DIP2C: variants seen among roughly 807,000 people sequenced by gnomAD.
DIP2C encodes DIP2 acetate--CoA ligase C (putative).
In DIP2C, 33 loss-of-function variants were observed where a neutral mutation model predicts 192.4. The observed-to-expected ratio is 0.17, with a 90% CI of 0.13 to 0.23. DIP2C has a LOEUF of 0.23. Among genes scored for constraint, DIP2C ranks in the 10% least tolerant of loss-of-function variants. DIP2C has a pLI of 1.00. For synonymous variants in DIP2C, 979 were observed against 864.1 expected, an observed-to-expected ratio of 1.13 and a Z score of -2.33; for missense variants, 1,537 against 2,110.1, an observed-to-expected ratio of 0.73 and a Z score of 5.32.
rs1010114025 is a variant in DIP2C at position 301,945 on chromosome 10, C to T, written c.3986+8086G>A. 9.9e-5 allele frequency among the ~76,000 whole-genome samples: 15 copies of T among 152,040 alleles called. No homozygotes were observed. The East Asian group carries it at 2.1e-3, about 22-fold the overall frequency. On this transcript the variant is annotated intron_variant, in intron 32 of 36. Transcript: ENST00000280886. The stretch of plus-strand genomic sequence containing the variant: ...AAAGTGAATTCTTTTATTTTTCATT[C>T]GGTTTTCCCACTGGTTTTCAAGTAG...
intron 29 of DIP2C, among the ~76,000 whole-genome samples, chr10:335,593 C>T (rs1175024378): frequency 6.6e-6 from 1 of 152,226 alleles, no homozygotes; most frequent in Non-Finnish European, 1.5e-5. Context: ...GGTGCATTGT[C>T]CAATCAGTCC....
intron 1 of DIP2C, among the ~76,000 whole-genome samples, chr10:671,313 G>A (rs1317737984): frequency 4.6e-5 from 7 of 151,810 alleles, no homozygotes; most frequent in Admixed American, 1.3e-4. Flanking sequence ...ATCCACAGAC[G>A]GAGGAAACGC....
intron 1 of DIP2C, among the ~76,000 whole-genome samples, chr10:586,620 T>C (rs1236891911): frequency 2.0e-5 from 3 of 152,234 alleles, no homozygotes; most frequent in Non-Finnish European, 2.9e-5. Context: ...CATCTCTTCC[T>C]GTTCACATAG....
chr10:580,631 A>G (rs900887660), intron 1 of DIP2C, among the ~76,000 whole-genome samples: 22 of 152,356 alleles, frequency 1.4e-4, no homozygotes, highest in African/African-American at 5.3e-4. Context: ...CATAGTACGC[A>G]TACACCACAT....
intron 9 of DIP2C, among the ~76,000 whole-genome samples, chr10:406,979 C>G (rs1424516420): frequency 6.6e-6 from 1 of 152,104 alleles, no homozygotes; most frequent in Non-Finnish European, 1.5e-5. Context: ...GATCCCATCT[C>G]CAACCTGACC....
At position 624,074 on chromosome 10, in the gene DIP2C, A is replaced by G. The variant is rs570392160; in HGVS notation, c.85+65420T>C. The stretch of plus-strand genomic sequence containing the variant: ...CTCTCTGCACCCGGGACCCGCCCTG[A>G]GCCCCTGAGTGCGAGGACTCGGGAA... On this transcript the variant is annotated intron_variant, in intron 1 of 36. Transcript: ENST00000280886. Among the ~76,000 whole-genome samples the G allele has an allele frequency of 3.3e-5, 5 of 152,344 alleles. No individual in the cohort carries two copies. The South Asian group carries it at 1.0e-3, about 32-fold the overall frequency.
In DIP2C at chr10:437,595, C is replaced by G. The variant is rs150258806; in HGVS notation, c.394+3276G>C. 267 of 152,382 alleles carry G rather than the reference C, an allele frequency of 1.8e-3. 3 individuals are homozygous for G. The highest frequency in any genetic ancestry group is 6.1e-3 in the African/African-American group (252 of 41,590). The allele number at this position is 152,382 out of a possible 1,614,324, so 9.4% of individuals were successfully genotyped here. On this transcript the variant is annotated intron_variant, in intron 4 of 36. Transcript: ENST00000280886. Reference sequence around the variant, plus strand: ...TGGCTGGCACAGCTGTAGTCACAGACTTAAAACAGCCATCTCATTCGTTTT... The same window carrying G: ...TGGCTGGCACAGCTGTAGTCACAGAGTTAAAACAGCCATCTCATTCGTTTT...
At chr10:347,521 C>T (rs1298560910) in intron 26 of DIP2C, among the ~76,000 whole-genome samples, 5 of 113,250 alleles carry the variant, frequency 4.4e-5, no homozygotes, top group Non-Finnish European at 7.1e-5. Context: ...CCCGGAAACC[C>T]CACACGCACC....
At chr10:529,858 C>T (rs758120285) in intron 1 of DIP2C, among the ~76,000 whole-genome samples, 45 of 151,758 alleles carry the variant, frequency 3.0e-4, no homozygotes, top group Non-Finnish European at 5.6e-4. Flanking sequence ...TGGCTCATCG[C>T]GGCCTTGACT....
At chr10:390,643 C>T (rs1963389055) in intron 11 of DIP2C, 97 bp downstream of exon 11, 2 of 1,532,484 alleles carry the variant, frequency 1.3e-6, no homozygotes, top group African/African-American at 1.4e-5. Flanking sequence ...CGTTTCATTC[C>T]ACAGAGGATT....
chr10:384,925 G>A (rs942898542), intron 14 of DIP2C, among the ~76,000 whole-genome samples: 15 of 151,448 alleles, frequency 9.9e-5, no homozygotes, highest in South Asian at 2.1e-4. Context: ...GGAGCGCCGC[G>A]GACACCAGGC....
In DIP2C at chr10:414,739, G is replaced by GTGTA; in HGVS notation, c.860-630_860-629insTACA. On this transcript the variant is annotated intron_variant, in intron 7 of 36. Transcript: ENST00000280886. ...TGTGTGTGTGTGTGTGTGTGTGTGT[G>GTGTA]TACATATATATATATATAATGTGTA... Among the ~76,000 whole-genome samples, 46 of 90,536 alleles carry GTGTA rather than the reference G, an allele frequency of 5.1e-4. 2 individuals are homozygous for GTGTA. Among genetic ancestry groups the GTGTA allele is most frequent in the African/African-American group, 1.5e-3 (34 of 22,234 alleles). The allele number at this position is 90,536 out of a possible 152,430, so 59.4% of individuals were successfully genotyped here. A position where few individuals can be genotyped will look rare whatever the true frequency, so the allele number is the denominator to read the frequency against.
intron 1 of DIP2C, among the ~76,000 whole-genome samples, chr10:497,540 G>T (rs538229930): frequency 4.4e-4 from 67 of 152,210 alleles, no homozygotes; most frequent in African/African-American, 1.5e-3. Context: ...TGTTTGCTGC[G>T]GCAACGAGCT....
chr10:618,221 T>C (rs1486172110), intron 1 of DIP2C, among the ~76,000 whole-genome samples: 1 of 152,236 alleles, frequency 6.6e-6, no homozygotes, highest in Non-Finnish European at 1.5e-5. Context: ...TTCTTATGTA[T>C]GGTCAAATGG....
At chr10:624,822 G>T (rs1255157142) in intron 1 of DIP2C, among the ~76,000 whole-genome samples, 1 of 152,172 alleles carries the variant, frequency 6.6e-6, no homozygotes, top group African/African-American at 2.4e-5. Context: ...GGGCACCCAC[G>T]AGAAAACTAC....
At chr10:475,982 G>A (rs1020044431) in intron 2 of DIP2C, among the ~76,000 whole-genome samples, 3 of 152,330 alleles carry the variant, frequency 2.0e-5, no homozygotes, top group South Asian at 4.1e-4. Flanking sequence ...GCAGCATACC[G>A]CTCTGCGCTG....
At chr10:286,373 G>T in intron 33 of DIP2C, 26 bp from the exon 34 acceptor site, 1 of 1,601,476 alleles carries the variant, frequency 6.2e-7, no homozygotes, top group Non-Finnish European at 8.6e-7. Context: ...AAAGTCTCTT[G>T]TCAATGGGAG....
At chr10:682,336 C>T (rs1413689115) in intron 1 of DIP2C, among the ~76,000 whole-genome samples, 1 of 152,180 alleles carries the variant, frequency 6.6e-6, no homozygotes, top group African/African-American at 2.4e-5. Flanking sequence ...TTTAACATAC[C>T]AATTTTAGAA....
At position 283,251 on chromosome 10, in the gene DIP2C, GC is replaced by G. The variant is rs371065533; in HGVS notation, c.4294+20del. On this transcript the variant is annotated intron_variant, in intron 35 of 36. Transcript: ENST00000280886. The stretch of plus-strand genomic sequence containing the variant: ...CTCTCTGCCCATCTGTTGGGGGGGG[GC>G]CGCCAGCCTGGACTCTCACCTCCAT... 766,897 of 1,602,262 alleles carry G rather than the reference GC, an allele frequency of 0.48. 195,011 individuals are homozygous for G. Among genetic ancestry groups the G allele is most frequent in the Non-Finnish European group, 0.53 (626,837 of 1,175,074 alleles).
Sources: allele counts gnomAD v4.1 joint callset (sites outside exome capture counted in the v4.1 genomes callset), GRCh38; gene constraint gnomAD v4.1.1; transcripts MANE v1.5; gene names NCBI Gene and HGNC (gene_info 2026-07-23, HGNC 2026-07-21).